BTC: variants seen among roughly 807,000 people sequenced by gnomAD.
The protein encoded by BTC is probetacellulin.
A neutral mutation model predicts 18.1 loss-of-function variants in BTC; 13 were observed. The ratio of observed to expected loss-of-function variants is 0.72; its 90% confidence interval spans 0.47 to 1.14. BTC has a LOEUF of 1.14. Among genes scored for constraint, BTC ranks in the 50% most tolerant of loss-of-function variants. The pLI, the probability that BTC is intolerant of heterozygous loss-of-function variation, is 0.00. For missense variants in BTC, 247 were observed against 224.2 expected, an observed-to-expected ratio of 1.10 and a Z score of -0.65; for synonymous variants, 83 against 79.4, an observed-to-expected ratio of 1.05 and a Z score of -0.24.
At chr4:74,761,504 T>A (rs1724757139) in intron 2 of BTC, among the ~76,000 whole-genome samples, 1 of 152,222 alleles carries the variant, frequency 6.6e-6, no homozygotes, top group Non-Finnish European at 1.5e-5. Context: ...CCAACTAACA[T>A]CTTCACCTGG....
At chr4:74,769,653 GA>G (rs1205857530) in intron 2 of BTC, among the ~76,000 whole-genome samples, 2 of 151,988 alleles carry the variant, frequency 1.3e-5, no homozygotes, top group African/African-American at 2.4e-5. Flanking sequence ...AAATAGAAAA[GA>G]AAAAAAGAAT....
At chr4:74,767,975 G>T (rs1034977265) in intron 2 of BTC, among the ~76,000 whole-genome samples, 3 of 152,086 alleles carry the variant, frequency 2.0e-5, no homozygotes, top group Non-Finnish European at 2.9e-5. Flanking sequence ...TTTTGGCAAT[G>T]ATTTCTTAGA....
intron 3 of BTC, among the ~76,000 whole-genome samples, chr4:74,753,301 TG>T (rs1553956388): frequency 1.3e-5 from 2 of 152,202 alleles, no homozygotes; most frequent in Non-Finnish European, 2.9e-5. Flanking sequence ...GAATATTAAC[TG>T]GATCCTTATT....
chr4:74,779,319 A>G (rs889642423), intron 1 of BTC, among the ~76,000 whole-genome samples: 3 of 152,190 alleles, frequency 2.0e-5, no homozygotes, highest in Admixed American at 1.3e-4. Context: ...CAACACGACA[A>G]TGTCTTTGCC....
intron 4 of BTC, among the ~76,000 whole-genome samples, chr4:74,749,483 A>AAATAAATAAATAAAT (rs1553955858): frequency 2.2e-4 from 31 of 143,666 alleles, no homozygotes; most frequent in Admixed American, 4.9e-4. Context: ...ACTCTGTCTC[A>AAATAAATAAATAAAT]AAATAAATAA....
chr4:74,787,973 C>A (rs1220310699), intron 1 of BTC, among the ~76,000 whole-genome samples: 5 of 152,158 alleles, frequency 3.3e-5, no homozygotes, highest in Non-Finnish European at 5.9e-5. Context: ...CAGCTTGTCC[C>A]CCAGCTGTAG....
intron 2 of BTC, among the ~76,000 whole-genome samples, chr4:74,760,322 A>G (rs1724719121): frequency 6.6e-6 from 1 of 152,214 alleles, no homozygotes; most frequent in Non-Finnish European, 1.5e-5. Flanking sequence ...ACTGAGGAAG[A>G]AAAACAACTA....
intron 3 of BTC, among the ~76,000 whole-genome samples, chr4:74,751,716 T>C (rs1417774636): frequency 6.6e-6 from 1 of 152,180 alleles, no homozygotes; most frequent in Non-Finnish European, 1.5e-5. Context: ...TAGAATTATC[T>C]GAACTGCATC....
intron 4 of BTC, among the ~76,000 whole-genome samples, chr4:74,749,166 A>G (rs1724378301): frequency 6.6e-6 from 1 of 152,104 alleles, no homozygotes; most frequent in African/African-American, 2.4e-5. Flanking sequence ...GCGGTGGCTC[A>G]TGCCTGTAAT....
intron 1 of BTC, among the ~76,000 whole-genome samples, chr4:74,793,205 A>C (rs1435330610): frequency 1.3e-5 from 2 of 152,200 alleles, no homozygotes; most frequent in African/African-American, 4.8e-5. Flanking sequence ...AGCGTTTGTT[A>C]AATAAGTTTA....
Position 74,776,992 on chromosome 4 carries a change from AAAG to A in BTC, c.65-6839_65-6837del, listed in dbSNP as rs542557191. Among the ~76,000 whole-genome samples the A allele has an allele frequency of 2.0e-3, 307 of 152,286 alleles. 3 individuals are homozygous for A. The Middle Eastern group carries it at 0.02, about 10-fold the overall frequency. On this transcript the variant is annotated intron_variant, in intron 1 of 5. Transcript: ENST00000395743. The stretch of plus-strand genomic sequence containing the variant: ...TCATTAGAAAATCCAGCTTTAAGTC[AAAG>A]AAGAATGTATCAACCTATGAACATA...
chr4:74,749,660 A>G (rs2109877059), intron 4 of BTC, among the ~76,000 whole-genome samples: 1 of 146,100 alleles, frequency 6.8e-6, no homozygotes, highest in Non-Finnish European at 1.5e-5. Flanking sequence ...AGACAAAAAG[A>G]TACCACTTTA....
chr4:74,766,508 A>G (rs372235345), intron 2 of BTC, among the ~76,000 whole-genome samples: 23 of 152,230 alleles, frequency 1.5e-4, no homozygotes, highest in African/African-American at 5.5e-4. Flanking sequence ...TGAAAATTGA[A>G]TAACGAAGAA....
At chr4:74,781,911 T>C (rs1725342257) in intron 1 of BTC, among the ~76,000 whole-genome samples, 1 of 152,126 alleles carries the variant, frequency 6.6e-6, no homozygotes, top group African/African-American at 2.4e-5. Flanking sequence ...TCCATCTCTA[T>C]GACTTTGTCT....
chr4:74,754,171 C>G (rs147467129), intron 3 of BTC, among the ~76,000 whole-genome samples: 6 of 152,284 alleles, frequency 3.9e-5, no homozygotes, highest in Middle Eastern at 3.4e-3. Flanking sequence ...GTGTATTATT[C>G]CTCTACTAAG....
chr4:74,762,507 T>C (rs782358449), intron 2 of BTC, among the ~76,000 whole-genome samples: 1 of 152,052 alleles, frequency 6.6e-6, no homozygotes, highest in Non-Finnish European at 1.5e-5. Flanking sequence ...TTATTAAAAG[T>C]GTACTTGTTG....
chr4:74,768,438 A>T (rs950873393), intron 2 of BTC, among the ~76,000 whole-genome samples: 9 of 152,158 alleles, frequency 5.9e-5, no homozygotes, highest in Admixed American at 5.2e-4. Flanking sequence ...AAAGAGAAAA[A>T]TACTGCCATT....
chr4:74,747,369 C>T (rs542970497), intron 5 of BTC, among the ~76,000 whole-genome samples: 43 of 152,198 alleles, frequency 2.8e-4, no homozygotes, highest in Non-Finnish European at 5.4e-4. Context: ...ATACTTCTTC[C>T]CCTATTTCCT....
At chr4:74,774,800 A>T (rs1479041499) in intron 1 of BTC, among the ~76,000 whole-genome samples, 1 of 152,114 alleles carries the variant, frequency 6.6e-6, no homozygotes, top group Admixed American at 6.6e-5. Flanking sequence ...AGACCACTGA[A>T]AAGTTTTAAG....
Sources: gnomAD v4.1 joint callset for allele counts (sites outside exome capture counted in the v4.1 genomes callset) on GRCh38, gnomAD v4.1.1 for gene constraint, MANE v1.5 for transcripts, NCBI Gene and HGNC (gene_info 2026-07-23, HGNC 2026-07-21) for gene names.